Variants in BCL11B observed in about 807,000 individuals in gnomAD.
The protein encoded by BCL11B is B-cell lymphoma/leukemia 11B.
In BCL11B, 8 loss-of-function variants were observed where a neutral mutation model predicts 49.9. The observed-to-expected ratio is 0.16, with a 90% confidence interval of 0.09 to 0.29. The LOEUF (loss-of-function observed/expected upper bound fraction) is 0.29. Ranked by LOEUF, BCL11B falls within the 10% of genes least tolerant of loss-of-function variation. The probability of loss-of-function intolerance (pLI) is 1.00; values close to 1 mark genes in which losing one functional copy is unlikely to be tolerated. For synonymous variants in BCL11B, 739 were observed against 637.4 expected, an observed-to-expected ratio of 1.16 and a Z score of -2.40; for missense variants, 1,006 against 1,351.0, an observed-to-expected ratio of 0.74 and a Z score of 4.00.
chr14:99,216,035 T>G (rs1887825103), intron 3 of BCL11B, among the ~76,000 whole-genome samples: 1 of 152,158 alleles, frequency 6.6e-6, no homozygotes, highest in East Asian at 1.9e-4. Context: ...ATTGCAATAA[T>G]AATAATCATA....
chr14:99,258,148 C>T (rs1256133080), intron 1 of BCL11B, among the ~76,000 whole-genome samples: 3 of 152,218 alleles, frequency 2.0e-5, no homozygotes, highest in Admixed American at 6.5e-5. Flanking sequence ...AGAACACACA[C>T]GGACACACGT....
intron 3 of BCL11B, among the ~76,000 whole-genome samples, chr14:99,216,842 AAC>A (rs1376246345): frequency 6.6e-6 from 1 of 151,976 alleles, no homozygotes; most frequent in Non-Finnish European, 1.5e-5. Context: ...CACACACAAA[AAC>A]ACTCATACAC....
chr14:99,215,208 T>C (rs1887799160), intron 3 of BCL11B, among the ~76,000 whole-genome samples: 1 of 149,784 alleles, frequency 6.7e-6, no homozygotes, highest in African/African-American at 2.5e-5. Flanking sequence ...TTGCAGATAA[T>C]GTCACCCACC....
At chr14:99,202,518 C>G (rs557448968) in intron 3 of BCL11B, among the ~76,000 whole-genome samples, 1 of 152,168 alleles carries the variant, frequency 6.6e-6, no homozygotes, top group Non-Finnish European at 1.5e-5. Flanking sequence ...ACAGCCCAGC[C>G]CTGGGCCAGA....
chr14:99,212,474 G>A (rs948604914), intron 3 of BCL11B, among the ~76,000 whole-genome samples: 7 of 152,134 alleles, frequency 4.6e-5, no homozygotes, highest in East Asian at 1.9e-4. Flanking sequence ...ATTCACAAGC[G>A]CTCACGGACA....
intron 3 of BCL11B, among the ~76,000 whole-genome samples, chr14:99,219,047 T>C (rs1044278870): frequency 3.0e-5 from 1 of 33,832 alleles, no homozygotes; most frequent in Non-Finnish European, 6.8e-5. Flanking sequence ...TATTTCTTCT[T>C]TTTTTTTTTT....
intron 3 of BCL11B, among the ~76,000 whole-genome samples, chr14:99,181,279 T>G (rs927837681): frequency 6.6e-6 from 1 of 152,212 alleles, no homozygotes; most frequent in Non-Finnish European, 1.5e-5. Context: ...TACAGGCCCC[T>G]CTACAGGTTG....
chr14:99,176,739 G>A (rs934769839), intron 3 of BCL11B, among the ~76,000 whole-genome samples: 1 of 152,124 alleles, frequency 6.6e-6, no homozygotes, highest in Non-Finnish European at 1.5e-5. Context: ...GCACCCACTA[G>A]ATAGATGCCA....
At chr14:99,216,059 T>C (rs1302116602) in intron 3 of BCL11B, among the ~76,000 whole-genome samples, 2 of 152,134 alleles carry the variant, frequency 1.3e-5, no homozygotes, top group Non-Finnish European at 2.9e-5. Flanking sequence ...ATAACAACGA[T>C]AAAAAGATAG....
At chr14:99,220,971 C>T (rs1275318380) in intron 3 of BCL11B, among the ~76,000 whole-genome samples, 1 of 152,102 alleles carries the variant, frequency 6.6e-6, no homozygotes, top group Non-Finnish European at 1.5e-5. Flanking sequence ...CTGCCTCAGC[C>T]TCCCAAGTAG....
Position 99,229,063 on chromosome 14 carries a change from G to C in BCL11B, c.640+2282C>G, listed in dbSNP as rs930306582. On this transcript the variant is annotated intron_variant, in intron 3 of 3. Transcript: ENST00000357195. ...GGATGCATGGATGGATGGATGGATG[G>C]ATGGATGGATGGATGGATGGATGGA... Among the ~76,000 whole-genome samples the C allele has an allele frequency of 3.4e-5, 5 of 148,916 alleles. No homozygotes were observed. The South Asian group carries it at 6.5e-4, about 19-fold the overall frequency.
At chr14:99,226,132 T>G (rs1888154730) in intron 3 of BCL11B, among the ~76,000 whole-genome samples, 1 of 152,240 alleles carries the variant, frequency 6.6e-6, no homozygotes, top group African/African-American at 2.4e-5. Context: ...CCTTGGGCGA[T>G]GTAGACATTG....
chr14:99,206,869 TAGG>T (rs1887546670), intron 3 of BCL11B, among the ~76,000 whole-genome samples: 1 of 152,110 alleles, frequency 6.6e-6, no homozygotes, highest in Non-Finnish European at 1.5e-5. Context: ...CCCCAAGGAT[TAGG>T]AGGAGACTAC....
intron 3 of BCL11B, among the ~76,000 whole-genome samples, chr14:99,220,857 T>G (rs1887987414): frequency 6.6e-6 from 1 of 152,080 alleles, no homozygotes; most frequent in African/African-American, 2.4e-5. Context: ...TTTTATTTAT[T>G]TTTTTTATTT....
intron 3 of BCL11B, among the ~76,000 whole-genome samples, chr14:99,209,614 C>G (rs1324276823): frequency 6.6e-6 from 1 of 152,118 alleles, no homozygotes; most frequent in Non-Finnish European, 1.5e-5. Context: ...TGGCCCCCGG[C>G]AGGGGAGAAC....
At chr14:99,240,609 C>T (rs758551203) in intron 2 of BCL11B, among the ~76,000 whole-genome samples, 16 of 152,286 alleles carry the variant, frequency 1.1e-4, no homozygotes, top group Admixed American at 5.9e-4. Context: ...TTCTTTTCAG[C>T]ACAGGTAACA....
chr14:99,177,369 G>A (rs1886567238), intron 3 of BCL11B, among the ~76,000 whole-genome samples: 1 of 151,656 alleles, frequency 6.6e-6, no homozygotes, highest in African/African-American at 2.4e-5. Flanking sequence ...CATCGTCTGT[G>A]TCCATCACTG....
chr14:99,222,006 A>G (rs1566816803), intron 3 of BCL11B, among the ~76,000 whole-genome samples: 1 of 152,244 alleles, frequency 6.6e-6, no homozygotes, highest in Non-Finnish European at 1.5e-5. Context: ...ACCCCTGCCC[A>G]CCGAGGGTTC....
chr14:99,176,643 A>G (rs1308672424), intron 3 of BCL11B, among the ~76,000 whole-genome samples: 1 of 152,162 alleles, frequency 6.6e-6, no homozygotes, highest in Non-Finnish European at 1.5e-5. Context: ...TTCTCAGTCA[A>G]GGCACTACTG....
Sources: gnomAD v4.1 joint callset for allele counts (sites outside exome capture counted in the v4.1 genomes callset) on GRCh38, gnomAD v4.1.1 for gene constraint, MANE v1.5 for transcripts, NCBI Gene and HGNC (gene_info 2026-07-23, HGNC 2026-07-21) for gene names.